Variants in RAD17 observed in about 807,000 individuals in gnomAD.
RAD17 encodes the protein RAD17 checkpoint clamp loader component.
Under a neutral mutation model 81.5 loss-of-function variants are expected in RAD17, and 31 were observed. That is an observed-to-expected ratio of 0.38 (90% confidence interval 0.29 to 0.51). The LOEUF is 0.51. RAD17 is among the 20% of genes least tolerant of loss of function. The pLI, the probability that RAD17 is intolerant of heterozygous loss-of-function variation, is 0.88. For missense variants in RAD17, 681 were observed against 781.2 expected (o/e 0.87, Z 1.53); for synonymous variants, 261 against 266.2 (o/e 0.98, Z 0.19).
Position 69,373,881 on chromosome 5 carries a change from G to C in RAD17, c.61G>C (p.Val21Leu). The change falls in exon 5 of 19, where the codon GTC (valine) becomes CTC (leucine). Residue 21 changes from valine to leucine, a missense_variant. Val to Leu is a conservative substitution (Grantham distance 32, BLOSUM62 1). Transcript: ENST00000354868. ...SFDDFLECSGVSTITATSLGV... is the reference protein window; with the variant it reads ...SFDDFLECSGLSTITATSLGV... Reference sequence around the variant, plus strand: ...TGATGATTTTCTAGAGTGTAGTGGCGTCTCTACTATTACTGCCACATCATT... The same window carrying C: ...TGATGATTTTCTAGAGTGTAGTGGCCTCTCTACTATTACTGCCACATCATT... 1.9e-6 allele frequency: 3 copies of C among 1,609,336 alleles called. No individual in the cohort carries two copies. Among genetic ancestry groups the C allele is most frequent in the Non-Finnish European group, 2.6e-6 (3 of 1,176,384 alleles).
chr5:69,399,697 A>G (rs1765133573), intron 16 of RAD17, among the ~76,000 whole-genome samples: 1 of 152,082 alleles, frequency 6.6e-6, no homozygotes, highest in African/African-American at 2.4e-5. Context: ...TGTTGACTAA[A>G]GAAAACAAAT....
chr5:69,403,675 T>G (rs937401544), intron 17 of RAD17, among the ~76,000 whole-genome samples: 7 of 152,230 alleles, frequency 4.6e-5, no homozygotes, highest in Non-Finnish European at 1.0e-4. Flanking sequence ...ATCCCAGAAC[T>G]TTGGGCGGCC....
In RAD17 at chr5:69,386,311, A is replaced by G; in HGVS notation, c.824+6A>G. The G allele has an allele frequency of 6.3e-7, 1 of 1,590,696 alleles. No individual in the cohort carries two copies. The highest frequency in any genetic ancestry group is 1.4e-5 in the African/African-American group (1 of 73,958). On this transcript the variant is annotated splice_donor_region_variant and intron_variant, in intron 10 of 18. Coordinates refer to ENST00000354868, the MANE Select transcript of RAD17 (RefSeq NM_133338.3). ...TGTTCTATCTCAAATATTAGGTAAG[A>G]AAGAAATTTCTGCTTATAAAGGTCA...
chr5:69,389,340 C>T (rs1342677730), intron 12 of RAD17, among the ~76,000 whole-genome samples, 195 bp downstream of exon 12: 1 of 152,104 alleles, frequency 6.6e-6, no homozygotes, highest in Non-Finnish European at 1.5e-5. Context: ...TAGTATATAT[C>T]CTTGTTTCTG....
At chr5:69,393,613 A>T in intron 15 of RAD17, 113 bp downstream of exon 15, 1 of 999,906 alleles carries the variant, frequency 1.0e-6, no homozygotes, top group South Asian at 1.6e-5. Context: ...ACTTTTCTTC[A>T]TAACTATGCT....
intron 15 of RAD17, 122 bp downstream of exon 15, chr5:69,393,622 CT>C: frequency 1.1e-6 from 1 of 935,804 alleles, no homozygotes; most frequent in Non-Finnish European, 1.6e-6. Flanking sequence ...CATAACTATG[CT>C]AAAGTTAATG....
intron 6 of RAD17, among the ~76,000 whole-genome samples, chr5:69,380,664 T>A (rs539634453): frequency 6.9e-6 from 1 of 144,642 alleles, no homozygotes; most frequent in East Asian, 2.0e-4. Context: ...TAGCTTCAAC[T>A]TTTTTTTTTT....
At chr5:69,378,384 T>A (rs1763642967) in intron 6 of RAD17, among the ~76,000 whole-genome samples, 1 of 152,210 alleles carries the variant, frequency 6.6e-6, no homozygotes, top group Non-Finnish European at 1.5e-5. Context: ...CCTAGTTCTC[T>A]TACTGGAAGG....
intron 17 of RAD17, among the ~76,000 whole-genome samples, chr5:69,406,814 T>C (rs1367782548): frequency 6.6e-6 from 1 of 151,726 alleles, no homozygotes; most frequent in Non-Finnish European, 1.5e-5. Context: ...ACCAATATAT[T>C]GTATTCTTGA....
intron 17 of RAD17, among the ~76,000 whole-genome samples, chr5:69,403,116 G>T (rs1285358903): frequency 6.6e-6 from 1 of 152,118 alleles, no homozygotes; most frequent in Non-Finnish European, 1.5e-5. Flanking sequence ...TAGGATTATA[G>T]GCACAGGCCA....
intron 6 of RAD17, among the ~76,000 whole-genome samples, chr5:69,379,936 A>G (rs1010775675): frequency 2.0e-5 from 3 of 150,976 alleles, no homozygotes; most frequent in Admixed American, 6.6e-5. Context: ...GCTGGAGTGC[A>G]GTGGTGCAAT....
Position 69,377,533 on chromosome 5 carries a change from A to G in RAD17, c.351+2822A>G, listed in dbSNP as rs1237141439. Among the ~76,000 whole-genome samples the G allele has an allele frequency of 9.4e-5, 6 of 63,672 alleles. 2 individuals carry two copies. Among genetic ancestry groups the G allele is most frequent in the Admixed American group, 3.8e-4 (2 of 5,292 alleles). 41.8% of individuals were successfully genotyped at this position (63,672 alleles called of 152,430 possible). On this transcript the variant is annotated intron_variant, in intron 6 of 18. Transcript: ENST00000354868. ...TATATATACGTATATATATGTGTATATATACGTATATATATGCATATATAT... is the reference window on the plus strand; with the variant it reads ...TATATATACGTATATATATGTGTATGTATACGTATATATATGCATATATAT...
At chr5:69,407,570 T>TTTTG (rs1765693340) in intron 17 of RAD17, among the ~76,000 whole-genome samples, 2 of 122,508 alleles carry the variant, frequency 1.6e-5, no homozygotes, top group Admixed American at 1.8e-4. Flanking sequence ...AAGTTTTTTT[T>TTTTG]TTTTTTTTTT....
intron 12 of RAD17, among the ~76,000 whole-genome samples, chr5:69,389,877 C>G (rs1764440589): frequency 6.6e-6 from 1 of 152,144 alleles, no homozygotes; most frequent in South Asian, 2.1e-4. Flanking sequence ...ACCTCGTGAT[C>G]CGCCCGCCTC....
intron 11 of RAD17, among the ~76,000 whole-genome samples, chr5:69,388,738 C>G (rs1764366546): frequency 6.6e-6 from 1 of 152,178 alleles, no homozygotes; most frequent in South Asian, 2.1e-4. Flanking sequence ...TCCCAAGTAG[C>G]AGGGACTACA....
rs1260798308 is a variant in RAD17, at chr5:69,382,054, A to C, written c.505A>C (p.Thr169Pro). 2 of 1,611,592 alleles carry C rather than the reference A, an allele frequency of 1.2e-6. No individual in the cohort carries two copies. Among genetic ancestry groups the C allele is most frequent in the African/African-American group, 2.7e-5 (2 of 74,860 alleles). Residue 169 changes from threonine (T) to proline (P), a missense_variant, in exon 7 of 19, where the codon ACT (threonine) becomes CCT (proline). Thr to Pro is a conservative substitution (Grantham distance 38). Transcript: ENST00000354868. ...QKDDFKGMFN[T>P]ESSFHMFPYQ... The stretch of plus-strand genomic sequence containing the variant: ...AGATGATTTCAAGGGGATGTTTAAT[A>C]CTGGTAAGATTTGCTGTGAAGGTAG...
At chr5:69,387,941 G>A (rs1397913900) in intron 11 of RAD17, among the ~76,000 whole-genome samples, 1 of 152,134 alleles carries the variant, frequency 6.6e-6, no homozygotes, top group East Asian at 1.9e-4. Flanking sequence ...CAGGATGATC[G>A]CTGGAGCCTA....
In RAD17 at chr5:69,369,823, T is replaced by C; in HGVS notation, c.-527T>C. 9.9e-7 allele frequency: 1 copy of C among 1,013,832 alleles called. No homozygotes were observed. The highest frequency in any genetic ancestry group is 1.5e-6 in the Non-Finnish European group (1 of 688,440). The allele number at this position is 1,013,832 out of a possible 1,614,324, so 62.8% of individuals were successfully genotyped here. On this transcript the variant is annotated 5_prime_UTR_variant, in exon 1 of 19. Coordinates refer to ENST00000354868, the MANE Select transcript of RAD17 (RefSeq NM_133338.3). ...TGGAAGGTCCCCGGGAGGCCGTACC[T>C]CCGAGAGGCTCGGCGTTGAGCCCGG...
At chr5:69,370,001 A>T (rs1298740840) in intron 1 of RAD17, 68 bp downstream of exon 1, 2 of 416,648 alleles carry the variant, frequency 4.8e-6, no homozygotes, top group Non-Finnish European at 8.5e-6. Context: ...CTCTGCCTTC[A>T]AGCTTTCCTG....
Sources: allele counts gnomAD v4.1 joint callset (sites outside exome capture counted in the v4.1 genomes callset), GRCh38; gene constraint gnomAD v4.1.1; transcripts MANE v1.5; gene names NCBI Gene and HGNC (gene_info 2026-07-23, HGNC 2026-07-21).